MYO1D: variants seen among roughly 807,000 people sequenced by gnomAD.
MYO1D encodes the protein unconventional myosin-Id.
Under a neutral mutation model 122.0 loss-of-function variants are expected in MYO1D, and 83 were observed. The ratio of observed to expected loss-of-function variants is 0.68; its 90% confidence interval spans 0.57 to 0.82. The LOEUF (loss-of-function observed/expected upper bound fraction) is 0.82. MYO1D is among the 40% of genes least tolerant of loss of function. The pLI, the probability that MYO1D is intolerant of heterozygous loss-of-function variation, is 0.00. For missense variants in MYO1D, 1,157 were observed against 1,269.5 expected (o/e 0.91, Z 1.35); for synonymous variants, 464 against 446.9 (o/e 1.04, Z -0.48).
At chr17:32,537,664 G>T (rs1910702800) in intron 21 of MYO1D, among the ~76,000 whole-genome samples, 1 of 152,156 alleles carries the variant, frequency 6.6e-6, no homozygotes, top group Non-Finnish European at 1.5e-5. Context: ...TGAACTGAGG[G>T]TTGTCCATTA....
At chr17:32,817,864 C>A (rs956444845) in intron 1 of MYO1D, among the ~76,000 whole-genome samples, 2 of 152,120 alleles carry the variant, frequency 1.3e-5, no homozygotes, top group Middle Eastern at 3.4e-3. Flanking sequence ...CGGTGGCTCA[C>A]GCCTGTAATC....
At chr17:32,770,977 C>G in intron 6 of MYO1D, 148 bp downstream of exon 6, 1 of 468,628 alleles carries the variant, frequency 2.1e-6, no homozygotes, top group Non-Finnish European at 3.6e-6. Context: ...TGCTGAATCT[C>G]TGTCCTTGAG....
intron 1 of MYO1D, among the ~76,000 whole-genome samples, chr17:32,820,519 A>G (rs1204552425): frequency 6.6e-6 from 1 of 152,178 alleles, no homozygotes; most frequent in East Asian, 1.9e-4. Flanking sequence ...GAAATAAGCC[A>G]GACACAGAAA....
chr17:32,712,077 T>C lies in MYO1D; in HGVS notation c.2032A>G (p.Lys678Glu). 6.8e-6 allele frequency: 11 copies of C among 1,614,192 alleles called. No individual in the cohort carries two copies. Among genetic ancestry groups the C allele is most frequent in the Non-Finnish European group, 9.3e-6 (11 of 1,180,024 alleles). The change falls in exon 16 of 22, where the codon AAA becomes GAA. Residue 678 changes from lysine (K) to glutamate (E), a missense_variant. Physicochemically the swap from Lys to Glu is moderately conservative, Grantham distance 56. Transcript: ENST00000318217. ...GTTCGGGGTGTTCGAATGAAAATTT[T>C]GGTCTTCCCATAAGCTACATCATCC... ...FQDDVAYGKTKIFIRTPRTLF... is the reference protein window; with the variant it reads ...FQDDVAYGKTEIFIRTPRTLF...
At chr17:32,791,920 T>A (rs1019999879) in intron 1 of MYO1D, among the ~76,000 whole-genome samples, 1 of 152,220 alleles carries the variant, frequency 6.6e-6, no homozygotes, top group African/African-American at 2.4e-5. Context: ...TTCCTGTGAA[T>A]TCATTTAGAA....
chr17:32,580,432 CAG>C (rs1455061634), intron 21 of MYO1D, among the ~76,000 whole-genome samples: 23 of 106,514 alleles, frequency 2.2e-4, no homozygotes, highest in African/African-American at 8.4e-4. Flanking sequence ...TTTTTTGAGT[CAG>C]AGTCTCACTC....
rs111847396 is a variant in MYO1D, at chr17:32,533,262, C to T, written c.2865-38347G>A. Among the ~76,000 whole-genome samples the T allele has an allele frequency of 2.2e-3, 333 of 152,236 alleles. 2 individuals carry two copies. The highest frequency in any genetic ancestry group is 7.6e-3 in the African/African-American group (314 of 41,536). The stretch of plus-strand genomic sequence containing the variant: ...TATTCAGCTGCCTCTTAGATATTTG[C>T]CCTTGGATAAGAGACAGCTGGGTTC... On this transcript the variant is annotated intron_variant, in intron 21 of 21. Coordinates refer to ENST00000318217, the MANE Select transcript of MYO1D (RefSeq NM_015194.3).
chr17:32,508,729 A>G (rs991408910), intron 21 of MYO1D, among the ~76,000 whole-genome samples: 1 of 152,212 alleles, frequency 6.6e-6, no homozygotes, highest in African/African-American at 2.4e-5. Context: ...AGAAGGCCCA[A>G]AGAGCCTAAG....
chr17:32,833,748 C>G (rs978285483), intron 1 of MYO1D, among the ~76,000 whole-genome samples: 1 of 152,180 alleles, frequency 6.6e-6, no homozygotes, highest in Non-Finnish European at 1.5e-5. Flanking sequence ...ACACACTAGG[C>G]AAGCTCCCAT....
At chr17:32,550,417 A>G (rs931286850) in intron 21 of MYO1D, among the ~76,000 whole-genome samples, 2 of 152,150 alleles carry the variant, frequency 1.3e-5, no homozygotes, top group Non-Finnish European at 2.9e-5. Flanking sequence ...GAAATATGCC[A>G]TATAAAATTT....
intron 12 of MYO1D, among the ~76,000 whole-genome samples, chr17:32,746,200 A>G (rs1271586566): frequency 6.6e-6 from 1 of 152,194 alleles, no homozygotes; most frequent in African/African-American, 2.4e-5. Context: ...TACCATACCC[A>G]AAATTATTTC....
chr17:32,759,860 C>A, intron 10 of MYO1D: 3 of 422,098 alleles, frequency 7.1e-6, no homozygotes, highest in Non-Finnish European at 1.3e-5. Flanking sequence ...AGAATATAAA[C>A]AACATTAACT....
At chr17:32,660,288 T>C (rs956740896) in intron 16 of MYO1D, among the ~76,000 whole-genome samples, 1 of 152,170 alleles carries the variant, frequency 6.6e-6, no homozygotes, top group Non-Finnish European at 1.5e-5. Context: ...AACTCTTAGG[T>C]TGATTATATT....
intron 1 of MYO1D, among the ~76,000 whole-genome samples, chr17:32,870,983 C>G (rs2091173953): frequency 6.6e-6 from 1 of 152,078 alleles, no homozygotes; most frequent in South Asian, 2.1e-4. Context: ...GAATAAATGT[C>G]CATGTATCCT....
intron 5 of MYO1D, 66 bp downstream of exon 5, chr17:32,772,723 G>A (rs1484973797): frequency 7.4e-7 from 1 of 1,344,062 alleles, no homozygotes; most frequent in Non-Finnish European, 1.1e-6. Context: ...GAAAGCCCAA[G>A]ACACAAATAC....
intron 15 of MYO1D, among the ~76,000 whole-genome samples, chr17:32,718,773 G>A (rs919298684): frequency 9.2e-5 from 14 of 151,944 alleles, no homozygotes; most frequent in African/African-American, 3.4e-4. Context: ...CTACCTTATT[G>A]GTTGCTGCTT....
chr17:32,778,562 C>A lies in MYO1D; in HGVS notation c.316G>T (p.Ala106Ser), dbSNP rs1265199330. ...TACTTACTGGCTTCCGTTTTACCAG[C>A]TCCACTTTCCCCTGGGGGGAAAAAT... The part of the protein sequence containing the change: ...TCIVISGESG[A>S]GKTEASKYIM... Residue 106 changes from alanine (A) to serine (S), a missense_variant, in exon 3 of 22, where the codon GCT (alanine) becomes TCT (serine). By Grantham distance (99) the Ala-to-Ser change is moderately conservative. Transcript: ENST00000318217. The A allele has an allele frequency of 6.2e-7, 1 of 1,613,784 alleles. No individual in the cohort carries two copies. Among genetic ancestry groups the A allele is most frequent in the Non-Finnish European group, 8.5e-7 (1 of 1,179,730 alleles).
intron 6 of MYO1D, among the ~76,000 whole-genome samples, chr17:32,770,893 A>G (rs956338038): frequency 2.6e-5 from 4 of 152,232 alleles, no homozygotes; most frequent in Admixed American, 6.5e-5. Flanking sequence ...TGAATGTAGG[A>G]AAAAACTTCT....
intron 6 of MYO1D, among the ~76,000 whole-genome samples, chr17:32,769,242 C>T (rs1401335234): frequency 6.6e-6 from 1 of 152,134 alleles, no homozygotes; most frequent in African/African-American, 2.4e-5. Flanking sequence ...CAGGTGACTC[C>T]TGGAAATTCT....
Sources: gnomAD v4.1 joint callset for allele counts (sites outside exome capture counted in the v4.1 genomes callset) on GRCh38, gnomAD v4.1.1 for gene constraint, MANE v1.5 for transcripts, NCBI Gene and HGNC (gene_info 2026-07-23, HGNC 2026-07-21) for gene names.